DIP2A: variants seen among roughly 807,000 people sequenced by gnomAD.
DIP2A encodes the protein disco-interacting protein 2 homolog A.
Under a neutral mutation model 177.4 loss-of-function variants are expected in DIP2A, and 85 were observed. The observed-to-expected ratio is 0.48, with a 90% CI of 0.40 to 0.57. The LOEUF (loss-of-function observed/expected upper bound fraction) is 0.57. Among genes scored for constraint, DIP2A ranks in the 20% least tolerant of loss-of-function variants. The pLI is 0.00. For missense variants in DIP2A, 1,791 were observed against 2,100.2 expected (o/e 0.85, Z 2.88); for synonymous variants, 886 against 881.8 (o/e 1.00, Z -0.08).
intron 6 of DIP2A, among the ~76,000 whole-genome samples, chr21:46,507,317 A>AT (rs2058063235): frequency 6.6e-6 from 1 of 152,122 alleles, no homozygotes; most frequent in South Asian, 2.1e-4. Context: ...TTTCTCCTAT[A>AT]TTTTCTTCCA....
chr21:46,518,626 A>G (rs756746836), intron 8 of DIP2A, among the ~76,000 whole-genome samples: 3 of 152,082 alleles, frequency 2.0e-5, no homozygotes, highest in Non-Finnish European at 4.4e-5. Context: ...GGAGGCTGAG[A>G]TGGGTGAATC....
At chr21:46,469,332 T>A (rs1417189254) in intron 1 of DIP2A, 2 of 152,262 alleles carry the variant, frequency 1.3e-5, no homozygotes, top group Non-Finnish European at 2.9e-5. Flanking sequence ...GCAGTTTTTC[T>A]AATTCAGTGA....
At chr21:46,575,910 A>G in the DIP2A span, among the ~76,000 whole-genome samples, 1 of 152,226 alleles carries the variant, frequency 6.6e-6, no homozygotes, top group Non-Finnish European at 1.5e-5. Flanking sequence ...TAAAATTGAT[A>G]TAGAATCTAA....
chr21:46,478,270 T>C (rs1395006626), intron 1 of DIP2A, among the ~76,000 whole-genome samples: 2 of 151,930 alleles, frequency 1.3e-5, no homozygotes, highest in Non-Finnish European at 2.9e-5. Context: ...TGGAGTGCAA[T>C]GGCGCGATCC....
At chr21:46,472,786 C>T (rs1239083461) in intron 1 of DIP2A, among the ~76,000 whole-genome samples, 1 of 152,124 alleles carries the variant, frequency 6.6e-6, no homozygotes, top group East Asian at 1.9e-4. Context: ...AACTCAAATT[C>T]CTCCCTGTAG....
intron 18 of DIP2A, 84 bp from the exon 19 acceptor site, chr21:46,545,053 C>A: frequency 7.3e-7 from 1 of 1,376,916 alleles, no homozygotes; most frequent in Admixed American, 2.5e-5. Flanking sequence ...TTTCCATAAC[C>A]GCACATACAG....
chr21:46,505,481 C>T (rs1010608763), intron 6 of DIP2A, among the ~76,000 whole-genome samples: 5 of 152,028 alleles, frequency 3.3e-5, no homozygotes, highest in African/African-American at 4.8e-5. Context: ...TGGTGGCGGG[C>T]GTCTATAGTC....
chr21:46,463,521 T>C (rs1447059635), intron 1 of DIP2A, among the ~76,000 whole-genome samples: 1 of 152,236 alleles, frequency 6.6e-6, no homozygotes, highest in Non-Finnish European at 1.5e-5. Flanking sequence ...TTAACTTTAG[T>C]CTTTTTCTTG....
chr21:46,460,183 G>A (rs2054175961), intron 1 of DIP2A, among the ~76,000 whole-genome samples: 1 of 152,020 alleles, frequency 6.6e-6, no homozygotes. Context: ...CCCCCTCATG[G>A]AATTTTTTAA....
At chr21:46,541,613 C>A in intron 17 of DIP2A, 143 bp from the exon 18 acceptor site, 1 of 914,960 alleles carries the variant, frequency 1.1e-6, no homozygotes. Context: ...GACATTGCAG[C>A]ATCTTTAGAA....
intron 1 of DIP2A, among the ~76,000 whole-genome samples, chr21:46,473,184 C>A (rs1367835862): frequency 1.3e-5 from 2 of 152,232 alleles, no homozygotes; most frequent in East Asian, 3.9e-4. Flanking sequence ...AATATGTGTA[C>A]ACATTCAAGA....
intron 5 of DIP2A, among the ~76,000 whole-genome samples, chr21:46,499,733 A>C (rs751043040): frequency 5.9e-5 from 9 of 152,212 alleles, no homozygotes; most frequent in Non-Finnish European, 1.2e-4. Flanking sequence ...TGAAACCCAC[A>C]TACACTCTTG....
In DIP2A at chr21:46,545,719, G is replaced by A. The variant is rs547550924; in HGVS notation, c.2314-162G>A. Reference sequence around the variant, plus strand: ...TCAGGAGGCCTGCCCAGGAGATTGAGCAGCCAGGCCACAGAAACTGGGCCT... The same window carrying A: ...TCAGGAGGCCTGCCCAGGAGATTGAACAGCCAGGCCACAGAAACTGGGCCT... On this transcript the variant is annotated intron_variant, in intron 19 of 37. Coordinates refer to ENST00000417564, the MANE Select transcript of DIP2A (RefSeq NM_015151.4). 5.3e-5 allele frequency among the ~76,000 whole-genome samples: 8 copies of A among 152,364 alleles called. No individual in the cohort carries two copies. In the South Asian group the frequency reaches 1.7e-3, roughly 32 times the overall value.
chr21:46,537,120 A>T lies in DIP2A; in HGVS notation c.1643-104A>T. 1 of 1,080,526 alleles carries T rather than the reference A, an allele frequency of 9.3e-7. No individual in the cohort carries two copies. The highest frequency in any genetic ancestry group is 1.7e-5 in the Admixed American group (1 of 58,758). 66.9% of individuals were successfully genotyped at this position (1,080,526 alleles called of 1,614,324 possible). A position where few individuals can be genotyped will look rare whatever the true frequency, so the allele number is the denominator to read the frequency against. On this transcript the variant is annotated intron_variant, in intron 13 of 37. Transcript: ENST00000417564. This position sits in a 1 kb window ranked among gnomAD's most constrained non-coding sequence, Gnocchi z 4.1. ...TTGGAAATGCTGTATCTGTTCCTGA[A>T]ACTTACATGTTGATGACGTACTCAC...
chr21:46,521,755 A>G (rs2058833518), intron 8 of DIP2A, among the ~76,000 whole-genome samples: 1 of 152,204 alleles, frequency 6.6e-6, no homozygotes, highest in Admixed American at 6.6e-5. Context: ...CTTTAACTTT[A>G]GGCCAGTGTG....
At chr21:46,480,237 T>G (rs1335576721) in intron 1 of DIP2A, among the ~76,000 whole-genome samples, 1 of 151,906 alleles carries the variant, frequency 6.6e-6, no homozygotes, top group Non-Finnish European at 1.5e-5. Flanking sequence ...TGGCAGAAGA[T>G]GAAGAAAGCA....
intron 17 of DIP2A, among the ~76,000 whole-genome samples, 183 bp from the exon 18 acceptor site, chr21:46,541,573 G>C (rs2059819264): frequency 6.6e-6 from 1 of 152,136 alleles, no homozygotes; most frequent in Admixed American, 6.5e-5. Flanking sequence ...GAGTGTCGAC[G>C]TCACATTGCA....
At chr21:46,546,025 A>G (rs1569083860) in intron 20 of DIP2A, 64 bp downstream of exon 20, 1 of 1,609,234 alleles carries the variant, frequency 6.2e-7, no homozygotes, top group African/African-American at 1.3e-5. Context: ...GCTAAGGGAC[A>G]CCTCGTTGCA....
At chr21:46,539,252 T>C (rs1342014996) in intron 16 of DIP2A, 2 of 161,572 alleles carry the variant, frequency 1.2e-5, no homozygotes, top group Non-Finnish European at 2.7e-5. Flanking sequence ...TATTAGGGGT[T>C]TTCTTGTTTG....
Sources: allele counts gnomAD v4.1 joint callset (sites outside exome capture counted in the v4.1 genomes callset), GRCh38; gene constraint gnomAD v4.1.1; non-coding constraint Gnocchi (gnomAD v3.1); transcripts MANE v1.5; gene names NCBI Gene and HGNC (gene_info 2026-07-23, HGNC 2026-07-21).